Variants in GABRA2 observed in about 807,000 individuals in gnomAD.
GABRA2 encodes gamma-aminobutyric acid type A receptor subunit alpha2.
Under a neutral mutation model 48.7 loss-of-function variants are expected in GABRA2, and 16 were observed. That is an observed-to-expected ratio of 0.33 (90% CI 0.22 to 0.50). GABRA2 has a LOEUF of 0.50. Ranked by LOEUF, GABRA2 falls within the 20% of genes least tolerant of loss-of-function variation. GABRA2 has a pLI of 0.98. For missense variants in GABRA2, 275 were observed against 535.6 expected, an observed-to-expected ratio of 0.51 and a Z score of 4.80; for synonymous variants, 185 against 184.5, an observed-to-expected ratio of 1.00 and a Z score of -0.02.
chr4:46,305,203 A>G (rs1241502680), intron 7 of GABRA2, among the ~76,000 whole-genome samples: 1 of 143,908 alleles, frequency 6.9e-6, no homozygotes, highest in African/African-American at 2.6e-5. Context: ...CATAGGTGGG[A>G]ATTGAACAAT....
At position 46,333,893 on chromosome 4, in the gene GABRA2, G is replaced by T. The variant is rs184801306; in HGVS notation, c.188-1211C>A. 3.1e-3 allele frequency among the ~76,000 whole-genome samples: 469 copies of T among 152,064 alleles called. 2 individuals are homozygous for T. Among genetic ancestry groups the T allele is most frequent in the African/African-American group, 0.011 (450 of 41,510 alleles). On this transcript the variant is annotated intron_variant, in intron 3 of 9. Coordinates refer to ENST00000381620, the MANE Select transcript of GABRA2 (RefSeq NM_000807.4). ...TTCTGAGTATTCAAACTAAATCAAA[G>T]AATTATACCATAGTCAATTATAAAC...
At chr4:46,373,102 C>G (rs1357148312) in intron 3 of GABRA2, among the ~76,000 whole-genome samples, 10 of 152,068 alleles carry the variant, frequency 6.6e-5, no homozygotes, top group Admixed American at 6.6e-4. Context: ...GAAGCTGTCA[C>G]CAAAAATGAC....
At chr4:46,363,694 A>C (rs1208496090) in intron 3 of GABRA2, 2 of 152,206 alleles carry the variant, frequency 1.3e-5, no homozygotes, top group African/African-American at 4.8e-5. Context: ...TAAAGATATA[A>C]GAACATTAAC....
rs1553906974 is a variant in GABRA2 at position 46,291,776 on chromosome 4, C to CACATAT, written c.856+11683_856+11684insATATGT. ...AGTTAATACTATTAATAAACACACACATATATATATATATACATATACATA... is the reference window on the plus strand; with the variant it reads ...AGTTAATACTATTAATAAACACACACACATATATATATATATATATACATATACATA... On this transcript the variant is annotated intron_variant, in intron 8 of 9. Coordinates refer to ENST00000381620, the MANE Select transcript of GABRA2 (RefSeq NM_000807.4). Among the ~76,000 whole-genome samples, 607 of 144,796 alleles carry CACATAT rather than the reference C, an allele frequency of 4.2e-3. 3 individuals carry two copies. Among genetic ancestry groups the CACATAT allele is most frequent in the East Asian group, 9.7e-3 (48 of 4,942 alleles). The allele number at this position is 144,796 out of a possible 152,430, so 95.0% of individuals were successfully genotyped here. A position where few individuals can be genotyped will look rare whatever the true frequency, so the allele number is the denominator to read the frequency against.
chr4:46,356,050 T>C (rs957982485), intron 3 of GABRA2, among the ~76,000 whole-genome samples: 1 of 152,160 alleles, frequency 6.6e-6, no homozygotes, highest in African/African-American at 2.4e-5. Flanking sequence ...GCACATAAGG[T>C]GCCAACACTA....
intron 9 of GABRA2, 43 bp from the exon 10 acceptor site, chr4:46,250,647 G>T: frequency 7.0e-7 from 1 of 1,424,066 alleles, no homozygotes; most frequent in Non-Finnish European, 9.6e-7. Flanking sequence ...GGTTGAGTCT[G>T]CTACTTAACA....
rs1713578964 is a variant in GABRA2 at position 46,245,626 on chromosome 4, CAA to C, written c.*4680_*4681del. 6.6e-6 allele frequency among the ~76,000 whole-genome samples: 1 copy of C among 151,176 alleles called. No homozygotes were observed. Among genetic ancestry groups the C allele is most frequent in the Non-Finnish European group, 1.5e-5 (1 of 67,428 alleles). On this transcript the variant is annotated 3_prime_UTR_variant, in exon 10 of 10. Coordinates refer to ENST00000381620, the MANE Select transcript of GABRA2 (RefSeq NM_000807.4). Reference sequence around the variant, plus strand: ...TTTGTGATAAGATCCATTAATAAAACAAATTGTTTAGATATCATAAATTTATC... The same window carrying C: ...TTTGTGATAAGATCCATTAATAAAACATTGTTTAGATATCATAAATTTATC...
At chr4:46,361,745 G>A (rs914311473) in intron 3 of GABRA2, among the ~76,000 whole-genome samples, 4 of 152,220 alleles carry the variant, frequency 2.6e-5, no homozygotes, top group Admixed American at 6.5e-5. Flanking sequence ...CCAGGAGGAG[G>A]GCTATACCCT....
chr4:46,291,732 T>C (rs930587986), intron 8 of GABRA2, among the ~76,000 whole-genome samples: 13 of 151,558 alleles, frequency 8.6e-5, no homozygotes, highest in African/African-American at 3.1e-4. Flanking sequence ...TGTGTGACCT[T>C]CTGACTTGTG....
intron 1 of GABRA2, chr4:46,389,480 T>C (rs920917506): frequency 3.0e-5 from 25 of 835,152 alleles, no homozygotes; most frequent in Admixed American, 1.2e-4. Context: ...GTGAGCAAAG[T>C]TGAAGACTAT....
intron 2 of GABRA2, among the ~76,000 whole-genome samples, chr4:46,387,186 AG>A (rs2109382101): frequency 1.3e-5 from 2 of 152,342 alleles, no homozygotes; most frequent in South Asian, 4.1e-4. Flanking sequence ...TACTGGCATA[AG>A]CATTACTGGT....
intron 3 of GABRA2, chr4:46,365,678 T>C (rs1416536716): frequency 2.6e-5 from 4 of 152,106 alleles, no homozygotes; most frequent in Non-Finnish European, 5.9e-5. Flanking sequence ...AACTGAGGTT[T>C]AGAGAAGGCA....
intron 4 of GABRA2, among the ~76,000 whole-genome samples, chr4:46,316,711 CTGTT>C (rs1728612967): frequency 6.6e-6 from 1 of 151,856 alleles, no homozygotes; most frequent in African/African-American, 2.4e-5. Context: ...GAGGATTTCT[CTGTT>C]AATTAGTAAT....
At chr4:46,389,352 C>T in intron 1 of GABRA2, 2 of 985,362 alleles carry the variant, frequency 2.0e-6, no homozygotes, top group Non-Finnish European at 2.4e-6. Context: ...AGCCGGGTTC[C>T]GATCAAGTGC....
At position 46,311,832 on chromosome 4, in the gene GABRA2, C is replaced by T. The variant is rs537508676; in HGVS notation, c.476+664G>A. On this transcript the variant is annotated intron_variant, in intron 5 of 9. Coordinates refer to ENST00000381620, the MANE Select transcript of GABRA2 (RefSeq NM_000807.4). ...TATTAAATTAGGCTGAGCGTGGAGG[C>T]TCATGCCTGTAATCCCAGCACTTTG... Among the ~76,000 whole-genome samples, 41 of 152,320 alleles carry T rather than the reference C, an allele frequency of 2.7e-4. No individual in the cohort carries two copies. The South Asian group carries it at 5.0e-3, about 18-fold the overall frequency.
intron 3 of GABRA2, chr4:46,366,588 G>T (rs374258926): frequency 1.3e-5 from 2 of 152,194 alleles, no homozygotes; most frequent in Non-Finnish European, 2.9e-5. Context: ...CAAGTAATTG[G>T]TCTGCGGCTC....
intron 3 of GABRA2, among the ~76,000 whole-genome samples, chr4:46,371,288 A>G (rs1245777423): frequency 1.3e-5 from 2 of 152,166 alleles, no homozygotes; most frequent in Non-Finnish European, 2.9e-5. Context: ...TTATCTCTCC[A>G]AAGGGTAAAT....
At chr4:46,303,344 A>T (rs1726080170) in intron 8 of GABRA2, 116 bp downstream of exon 8, 2 of 1,019,316 alleles carry the variant, frequency 2.0e-6, no homozygotes. Flanking sequence ...AGGCAAAAAC[A>T]ATACTCCCCG....
chr4:46,304,819 G>A (rs1429983235), intron 7 of GABRA2, among the ~76,000 whole-genome samples: 1 of 150,700 alleles, frequency 6.6e-6, no homozygotes, highest in African/African-American at 2.4e-5. Flanking sequence ...CCAGCTACTC[G>A]GGAGGCTGAG....
Sources: allele counts gnomAD v4.1 joint callset (sites outside exome capture counted in the v4.1 genomes callset), GRCh38; gene constraint gnomAD v4.1.1; transcripts MANE v1.5; gene names NCBI Gene and HGNC (gene_info 2026-07-23, HGNC 2026-07-21).